Variants in LRRC7 observed in about 807,000 individuals in gnomAD.
LRRC7 encodes leucine rich repeat containing 7, also known as leucine-rich repeat-containing protein 7.
In LRRC7, 23 loss-of-function variants were observed where a neutral mutation model predicts 175.7. The ratio of observed to expected loss-of-function variants is 0.13; its 90% CI spans 0.09 to 0.19. The LOEUF (loss-of-function observed/expected upper bound fraction) is 0.19, where lower values mean the gene tolerates loss of function less well. Among genes scored for constraint, LRRC7 ranks in the 10% least tolerant of loss-of-function variants. The pLI is 1.00. For synonymous variants in LRRC7, 685 were observed against 680.9 expected (o/e 1.01, Z -0.09); for missense variants, 1,354 against 1,904.7 (o/e 0.71, Z 5.38).
At chr1:69,851,554 G>A (rs1170334204) in intron 7 of LRRC7, among the ~76,000 whole-genome samples, 1 of 152,074 alleles carries the variant, frequency 6.6e-6, no homozygotes. Flanking sequence ...CTTCTAACAT[G>A]GAAACACTGG....
intron 25 of LRRC7, among the ~76,000 whole-genome samples, chr1:70,092,772 C>T (rs980154797): frequency 6.6e-6 from 1 of 152,096 alleles, no homozygotes; most frequent in East Asian, 1.9e-4. Context: ...TGCAGAAAAA[C>T]ACTTAGGGCA....
At chr1:70,083,414 C>A (rs1663370431) in intron 24 of LRRC7, among the ~76,000 whole-genome samples, 1 of 151,916 alleles carries the variant, frequency 6.6e-6, no homozygotes, top group East Asian at 1.9e-4. Flanking sequence ...ATATAATAAC[C>A]CATAAAACCA....
chr1:69,786,656 T>G (rs7533535), intron 3 of LRRC7, among the ~76,000 whole-genome samples: 53,955 of 151,956 alleles, frequency 0.36, 9,667 homozygotes, highest in East Asian at 0.5. Flanking sequence ...AAGAGCTTGT[T>G]CAGGGAAACT....
At chr1:69,610,167 T>G (rs1412994509) in intron 1 of LRRC7, among the ~76,000 whole-genome samples, 1 of 152,132 alleles carries the variant, frequency 6.6e-6, no homozygotes, top group Non-Finnish European at 1.5e-5. Context: ...AATTTATTTG[T>G]TGAAGAAACA....
chr1:69,793,774 C>T (rs1675401193), intron 4 of LRRC7, among the ~76,000 whole-genome samples: 1 of 151,938 alleles, frequency 6.6e-6, no homozygotes, highest in African/African-American at 2.4e-5. Flanking sequence ...ATTTCCATTG[C>T]CTAAAACAGC....
At chr1:69,879,212 T>TAAAAAAAAAAAAAAAAAAAA (rs201332183) in intron 7 of LRRC7, among the ~76,000 whole-genome samples, 1 of 91,960 alleles carries the variant, frequency 1.1e-5, no homozygotes, top group African/African-American at 5.2e-5. Context: ...AAAACTGCTT[T>TAAAAAAAAAAAAAAAAAAAA]AAAAAAAAAA....
chr1:70,003,984 G>A (rs368448141), intron 11 of LRRC7, among the ~76,000 whole-genome samples: 2 of 151,958 alleles, frequency 1.3e-5, no homozygotes, highest in East Asian at 1.9e-4. Context: ...TAATTTTTTT[G>A]CAAATTCTAT....
intron 2 of LRRC7, among the ~76,000 whole-genome samples, chr1:69,696,998 T>C (rs1662687396): frequency 6.6e-6 from 1 of 152,128 alleles, no homozygotes; most frequent in Non-Finnish European, 1.5e-5. Flanking sequence ...AACATCTGCT[T>C]TTCTACCTTC....
At chr1:70,032,426 G>A (rs1367560889) in intron 18 of LRRC7, among the ~76,000 whole-genome samples, 4 of 151,570 alleles carry the variant, frequency 2.6e-5, no homozygotes, top group African/African-American at 9.7e-5. Context: ...AGAAAATATG[G>A]TAACACCTAT....
At chr1:70,080,171 C>G (rs919460102) in intron 24 of LRRC7, among the ~76,000 whole-genome samples, 11 of 152,170 alleles carry the variant, frequency 7.2e-5, no homozygotes, top group African/African-American at 2.6e-4. Flanking sequence ...TGAATACTTG[C>G]AATTGCTTTG....
At chr1:69,980,910 T>C (rs1203500100) in intron 9 of LRRC7, among the ~76,000 whole-genome samples, 4 of 152,160 alleles carry the variant, frequency 2.6e-5, no homozygotes, top group Non-Finnish European at 5.9e-5. Context: ...ATAGAACCCA[T>C]GTGAATTTTT....
chr1:69,943,573 G>T (rs928156282), intron 8 of LRRC7, among the ~76,000 whole-genome samples: 1 of 151,962 alleles, frequency 6.6e-6, no homozygotes, highest in African/African-American at 2.4e-5. Context: ...ACTCTAAAAG[G>T]GTGAATTTTA....
chr1:69,789,613 T>C (rs1326170806), intron 3 of LRRC7, among the ~76,000 whole-genome samples: 1 of 152,114 alleles, frequency 6.6e-6, no homozygotes, highest in Non-Finnish European at 1.5e-5. Flanking sequence ...TGTTTACCTA[T>C]TGAAGTTCCC....
At chr1:69,684,360 G>A (rs187279268) in intron 2 of LRRC7, among the ~76,000 whole-genome samples, 134 of 144,974 alleles carry the variant, frequency 9.2e-4, no homozygotes, top group African/African-American at 3.0e-3. Flanking sequence ...TAAAAAGATG[G>A]GTAGGGGAGA....
At chr1:69,974,492 T>G (rs1652612175) in intron 8 of LRRC7, among the ~76,000 whole-genome samples, 1 of 152,252 alleles carries the variant, frequency 6.6e-6, no homozygotes, top group Non-Finnish European at 1.5e-5. Context: ...TAGCATTGAA[T>G]ATTCCAAGTT....
chr1:70,036,333 T>C (rs1659308516), intron 19 of LRRC7, 101 bp downstream of exon 19: 8 of 1,390,732 alleles, frequency 5.8e-6, no homozygotes, highest in Non-Finnish European at 7.9e-6. Context: ...ACAAATGTTT[T>C]ACAAATATGC....
At chr1:69,820,675 T>G (rs1379952024) in intron 4 of LRRC7, among the ~76,000 whole-genome samples, 1 of 152,098 alleles carries the variant, frequency 6.6e-6, no homozygotes, top group East Asian at 1.9e-4. Flanking sequence ...TCCATGTCCC[T>G]GCAAAGGACA....
intron 25 of LRRC7, among the ~76,000 whole-genome samples, chr1:70,098,152 T>C (rs554811600): frequency 6.6e-6 from 1 of 152,318 alleles, no homozygotes; most frequent in South Asian, 2.1e-4. Context: ...ATGATTGCCA[T>C]TCTACCTGGT....
chr1:69,831,477 G>A (rs900199010), intron 5 of LRRC7, among the ~76,000 whole-genome samples: 13 of 151,874 alleles, frequency 8.6e-5, no homozygotes, highest in African/African-American at 2.7e-4. Context: ...AGTATTCAAG[G>A]ACTGTAAACC....
Sources: gnomAD v4.1 joint callset for allele counts (sites outside exome capture counted in the v4.1 genomes callset) on GRCh38, gnomAD v4.1.1 for gene constraint, MANE v1.5 for transcripts, NCBI Gene and HGNC (gene_info 2026-07-23, HGNC 2026-07-21) for gene names.